The following SEPTIN9 variants were observed in gnomAD, a reference collection of about 807,000 sequenced individuals.
SEPTIN9 encodes septin 9.
SEPTIN9 carries 13 observed loss-of-function variants against 56.6 expected under a neutral mutation model. That is an observed-to-expected ratio of 0.23 (90% confidence interval 0.15 to 0.37). The LOEUF (loss-of-function observed/expected upper bound fraction) is 0.37, where lower values mean the gene tolerates loss of function less well. Ranked by LOEUF, SEPTIN9 falls within the 10% of genes least tolerant of loss-of-function variation. The pLI, the probability that SEPTIN9 is intolerant of heterozygous loss-of-function variation, is 1.00. For synonymous variants in SEPTIN9, 332 were observed against 334.1 expected (o/e 0.99, Z 0.07); for missense variants, 650 against 823.1 (o/e 0.79, Z 2.57).
At chr17:77,401,943 C>T in intron 2 of SEPTIN9, 116 bp from the exon 3 acceptor site, 2 of 1,029,584 alleles carry the variant, frequency 1.9e-6, no homozygotes, top group Non-Finnish European at 2.8e-6. Flanking sequence ...GGGAAGAGAC[C>T]CCCGGCCCTC....
At position 77,450,521 on chromosome 17, in the gene SEPTIN9, G is replaced by A; in HGVS notation, c.722-31623G>A. On this transcript the variant is annotated intron_variant, in intron 3 of 11. Transcript: ENST00000427177. This position sits in a 1 kb window ranked among gnomAD's most constrained non-coding sequence, Gnocchi z 6.0. ...TGTGGGAGTGGCCACGCCCCTGCTG[G>A]GAGTGACTCACTTGGGTTCAGAGGT... is the stretch of plus-strand genomic sequence containing the variant. The A allele has an allele frequency of 2.0e-6, 2 of 985,480 alleles. No individual in the cohort carries two copies. The highest frequency in any genetic ancestry group is 2.4e-6 in the Non-Finnish European group (2 of 829,992). The allele number at this position is 985,480 out of a possible 1,614,324, so 61.0% of individuals were successfully genotyped here. A position where few individuals can be genotyped will look rare whatever the true frequency, so the allele number is the denominator to read the frequency against.
At chr17:77,343,530 C>G (rs2033801285) in intron 2 of SEPTIN9, among the ~76,000 whole-genome samples, 1 of 152,184 alleles carries the variant, frequency 6.6e-6, no homozygotes, top group Non-Finnish European at 1.5e-5. Flanking sequence ...TTCCTGGGTT[C>G]TGTGAGTCAC....
chr17:77,426,340 C>G (rs1355003249), intron 3 of SEPTIN9, among the ~76,000 whole-genome samples: 2 of 152,120 alleles, frequency 1.3e-5, no homozygotes, highest in East Asian at 3.9e-4. Context: ...AGGGTGCCCC[C>G]CCGAGCCCCC....
rs565104915 is a variant in SEPTIN9 at position 77,494,285 on chromosome 17, G to A, written c.1573+1209G>A. Among the ~76,000 whole-genome samples, 7 of 152,344 alleles carry A rather than the reference G, an allele frequency of 4.6e-5. No individual in the cohort carries two copies. In the South Asian group the frequency reaches 1.2e-3, roughly 27 times the overall value. On this transcript the variant is annotated intron_variant, in intron 10 of 11. Transcript: ENST00000427177. The stretch of plus-strand genomic sequence containing the variant: ...GGGGCCACAGTTCAACCCACTCCTG[G>A]CGGTGACACCCCGGGAGGGATGGGC...
intron 2 of SEPTIN9, among the ~76,000 whole-genome samples, chr17:77,352,939 G>C (rs1052779523): frequency 1.7e-4 from 26 of 152,188 alleles, no homozygotes; most frequent in African/African-American, 6.3e-4. Flanking sequence ...ATGAGCTGCT[G>C]TGCCCAGCCT....
intron 3 of SEPTIN9, among the ~76,000 whole-genome samples, chr17:77,464,604 T>G (rs2038625882): frequency 6.6e-6 from 1 of 150,870 alleles, no homozygotes; most frequent in Non-Finnish European, 1.5e-5. Flanking sequence ...CACAGAAATT[T>G]TTTTTTTTTT....
rs984295027 is a variant in SEPTIN9 at position 77,367,677 on chromosome 17, A to G, written c.77-34382A>G. 1.3e-5 allele frequency among the ~76,000 whole-genome samples: 2 copies of G among 151,986 alleles called. No individual in the cohort carries two copies. Among genetic ancestry groups the G allele is most frequent in the African/African-American group, 4.8e-5 (2 of 41,384 alleles). On this transcript the variant is annotated intron_variant, in intron 2 of 11. Transcript: ENST00000427177. The surrounding 1 kb of genome is among the most constrained non-coding windows in gnomAD (Gnocchi z 4.5). Reference sequence around the variant, plus strand: ...CTAAAAAAACAAAAATTAGCCGGGCATGGTAGCGGGTGCCTGTAATCCCAG... The same window carrying G: ...CTAAAAAAACAAAAATTAGCCGGGCGTGGTAGCGGGTGCCTGTAATCCCAG...
chr17:77,367,711 G>A lies in SEPTIN9; in HGVS notation c.77-34348G>A, dbSNP rs1319429685. ...GGTGCCTGTAATCCCAGCTACTCGGGAGGCTGAGGCAGGAGAATTGCTCCG... is the reference window on the plus strand; with the variant it reads ...GGTGCCTGTAATCCCAGCTACTCGGAAGGCTGAGGCAGGAGAATTGCTCCG... On this transcript the variant is annotated intron_variant, in intron 2 of 11. Transcript: ENST00000427177. The surrounding 1 kb of genome is among the most constrained non-coding windows in gnomAD (Gnocchi z 4.5). Among the ~76,000 whole-genome samples the A allele has an allele frequency of 1.3e-5, 2 of 152,108 alleles. No homozygotes were observed. Among genetic ancestry groups the A allele is most frequent in the Non-Finnish European group, 2.9e-5 (2 of 68,030 alleles).
intron 3 of SEPTIN9, among the ~76,000 whole-genome samples, chr17:77,457,531 C>G (rs117456535): frequency 0.024 from 3,625 of 152,324 alleles, 55 homozygotes; most frequent in Non-Finnish European, 0.04. Flanking sequence ...GAATGAGCCT[C>G]TTCCCCAGGA....
At chr17:77,361,187 G>A (rs566334037) in intron 2 of SEPTIN9, among the ~76,000 whole-genome samples, 1 of 152,192 alleles carries the variant, frequency 6.6e-6, no homozygotes, top group East Asian at 1.9e-4. Context: ...GCCTCCCAAA[G>A]TGCTGGGATT....
At position 77,476,289 on chromosome 17, in the gene SEPTIN9, G is replaced by A. The variant is rs569712534; in HGVS notation, c.722-5855G>A. On this transcript the variant is annotated intron_variant, in intron 3 of 11. Coordinates refer to ENST00000427177, the MANE Select transcript of SEPTIN9 (RefSeq NM_001113491.2). This position sits in a 1 kb window ranked among gnomAD's most constrained non-coding sequence, Gnocchi z 6.0. ...CCAGGTGGGCCAGGGTCAGCCCTGG[G>A]GCTGTGATGAGTGTGAGTGCCCCTA... 6.6e-6 allele frequency among the ~76,000 whole-genome samples: 1 copy of A among 152,314 alleles called. No homozygotes were observed. The highest frequency in any genetic ancestry group is 2.1e-4 in the South Asian group (1 of 4,826).
intron 2 of SEPTIN9, chr17:77,322,773 CTCT>C (rs1358924508): frequency 1.3e-5 from 2 of 152,406 alleles, no homozygotes; most frequent in East Asian, 3.8e-4. Context: ...CACTGAGGGG[CTCT>C]TCTTCTCTGC....
chr17:77,281,594 G>A (rs1194289407), intron 1 of SEPTIN9, 40 bp downstream of exon 1: 6 of 1,528,920 alleles, frequency 3.9e-6, no homozygotes, highest in Non-Finnish European at 1.8e-6. Context: ...TCGGTGTCCC[G>A]GGACCAGCGC....
chr17:77,321,883 G>T (rs2032949856), intron 2 of SEPTIN9, among the ~76,000 whole-genome samples: 1 of 152,174 alleles, frequency 6.6e-6, no homozygotes, highest in Non-Finnish European at 1.5e-5. Context: ...GGGTGGGTGT[G>T]GAGCCCAGCG....
In SEPTIN9 at chr17:77,433,028, C is replaced by T. The variant is rs2037204291; in HGVS notation, c.721+30325C>T. On this transcript the variant is annotated intron_variant, in intron 3 of 11. Transcript: ENST00000427177. The surrounding 1 kb of genome is among the most constrained non-coding windows in gnomAD (Gnocchi z 6.4). ...GCCGTGGCGGGGCTGTTCCCTCCTG[C>T]CCCTCCCCTCCCGCTGTGCTCTCAG... Among the ~76,000 whole-genome samples the T allele has an allele frequency of 6.6e-6, 1 of 152,218 alleles. No homozygotes were observed. Among genetic ancestry groups the T allele is most frequent in the Non-Finnish European group, 1.5e-5 (1 of 68,024 alleles).
chr17:77,470,267 T>C, intron 3 of SEPTIN9, among the ~76,000 whole-genome samples: 1 of 143,920 alleles, frequency 6.9e-6, no homozygotes, highest in Non-Finnish European at 1.5e-5. Flanking sequence ...TCCACTCATC[T>C]GTCCATCCAC....
intron 1 of SEPTIN9, among the ~76,000 whole-genome samples, chr17:77,286,081 G>A (rs1272953013): frequency 1.3e-5 from 2 of 152,256 alleles, no homozygotes; most frequent in South Asian, 2.1e-4. Context: ...CTGCTCTGGC[G>A]CATTCAGGGG....
At chr17:77,339,804 C>T (rs11868786) in intron 2 of SEPTIN9, among the ~76,000 whole-genome samples, 32,012 of 128,476 alleles carry the variant, frequency 0.25, 3,586 homozygotes, top group Middle Eastern at 0.32. Context: ...GCCACTGCAC[C>T]GGGCCCTATT....
At chr17:77,452,615 A>C (rs903095943) in intron 3 of SEPTIN9, among the ~76,000 whole-genome samples, 1 of 152,132 alleles carries the variant, frequency 6.6e-6, no homozygotes, top group Non-Finnish European at 1.5e-5. Flanking sequence ...CTGTGGAGAC[A>C]GCACCTGCTG....
Sources: allele counts gnomAD v4.1 joint callset (sites outside exome capture counted in the v4.1 genomes callset), GRCh38; gene constraint gnomAD v4.1.1; non-coding constraint Gnocchi (gnomAD v3.1); transcripts MANE v1.5; gene names NCBI Gene and HGNC (gene_info 2026-07-23, HGNC 2026-07-21).